The following MOK variants were observed in gnomAD, a reference collection of about 807,000 sequenced individuals.
The protein encoded by MOK is MOK protein kinase, also known as MAPK/MAK/MRK overlapping kinase.
MOK carries 59 observed loss-of-function variants against 54.2 expected under a neutral mutation model. The observed-to-expected ratio is 1.09, with a 90% CI of 0.88 to 1.35. The LOEUF (loss-of-function observed/expected upper bound fraction) is 1.35. Ranked by LOEUF, MOK falls within the 40% of genes most tolerant of loss-of-function variation. MOK has a pLI of 0.00. For missense variants in MOK, 517 were observed against 526.2 expected (o/e 0.98, Z 0.17); for synonymous variants, 210 against 202.7 (o/e 1.04, Z -0.31).
chr14:102,259,842 G>C (rs757719987), intron 4 of MOK, among the ~76,000 whole-genome samples: 3 of 151,816 alleles, frequency 2.0e-5, no homozygotes, highest in Non-Finnish European at 4.4e-5. Context: ...TCAAGAGATC[G>C]AGACCATCCT....
At position 102,265,283 on chromosome 14, in the gene MOK, C is replaced by T. The variant is rs1286222414; in HGVS notation, c.212+540G>A. ...TCCAGGAGATGAACTGTTTGCATGA[C>T]GGATGCTTTTATGATGTGGAGTCAC... On this transcript the variant is annotated intron_variant, in intron 3 of 11. Coordinates refer to ENST00000361847, the MANE Select transcript of MOK (RefSeq NM_014226.3). 3.9e-5 allele frequency among the ~76,000 whole-genome samples: 6 copies of T among 152,292 alleles called. No individual in the cohort carries two copies. In the East Asian group the frequency reaches 5.8e-4, roughly 15 times the overall value.
At chr14:102,241,663 A>G (rs1432801159) in intron 7 of MOK, among the ~76,000 whole-genome samples, 1 of 152,208 alleles carries the variant, frequency 6.6e-6, no homozygotes, top group Non-Finnish European at 1.5e-5. Context: ...GACATTAGAA[A>G]AAGCTCCAAA....
rs1338641534 is a variant in MOK, at chr14:102,261,409, AAAAAAAAAAATATATATATATATATATAT to A, written c.283+2108_283+2136del. On this transcript the variant is annotated intron_variant, in intron 4 of 11. Transcript: ENST00000361847. ...TCAAAAAAAAAAAAAAAAAAAAAAA[AAAAAAAAAAATATATATATATATATATAT>A]ATATATATATATATATATATTCTAA... is the stretch of plus-strand genomic sequence containing the variant. Among the ~76,000 whole-genome samples the A allele has an allele frequency of 1.6e-3, 130 of 79,632 alleles. 1 individual carries two copies. The highest frequency in any genetic ancestry group is 2.7e-3 in the Non-Finnish European group (115 of 42,364). The allele number at this position is 79,632 out of a possible 152,430, so 52.2% of individuals were successfully genotyped here.
At position 102,233,747 on chromosome 14, in the gene MOK, G is replaced by T. The variant is rs773121503; in HGVS notation, c.633C>A (p.Ile211=). ...LFPGVNELDQ[I]SKIHDVIGTP... ...TGCCGATGACATCGTGGATTTTTGA[G>T]ATTTGGTCCAGTTCATTTACTCCAG... is the stretch of plus-strand genomic sequence containing the variant. The change falls in exon 8 of 12, where the codon ATC becomes ATA. Residue 211 remains isoleucine, a synonymous_variant. Transcript: ENST00000361847. 4 of 1,614,146 alleles carry T rather than the reference G, an allele frequency of 2.5e-6. No homozygotes were observed. Among genetic ancestry groups the T allele is most frequent in the Non-Finnish European group, 3.4e-6 (4 of 1,179,986 alleles).
chr14:102,226,190 C>G, downstream of MOK: 1 of 609,720 alleles, frequency 1.6e-6, no homozygotes, highest in South Asian at 1.9e-5. The surrounding 1 kb of genome is among the most constrained non-coding windows in gnomAD (Gnocchi z 4.8). Context: ...GCAAGGCCTG[C>G]CCCCGCCAGT....
At chr14:102,295,273 A>G (rs61992538) in intron 1 of MOK, among the ~76,000 whole-genome samples, 22,008 of 152,232 alleles carry the variant, frequency 0.14, 2,181 homozygotes, top group South Asian at 0.3. Flanking sequence ...AAGGGAGAAC[A>G]AGGGAGATAA....
At chr14:102,220,296 T>C (rs964490122), downstream of MOK, among the ~76,000 whole-genome samples, 1 of 152,226 alleles carries the variant, frequency 6.6e-6, no homozygotes, top group African/African-American at 2.4e-5. The surrounding 1 kb of genome is among the most constrained non-coding windows in gnomAD (Gnocchi z 4.2). Context: ...CCACTAAGTA[T>C]GTAAATTGGG....
At chr14:102,268,174 C>T (rs568807175) in intron 2 of MOK, among the ~76,000 whole-genome samples, 1 of 152,246 alleles carries the variant, frequency 6.6e-6, no homozygotes, top group East Asian at 1.9e-4. Flanking sequence ...AGTTATCACA[C>T]CCCAAAACAT....
chr14:102,263,120 T>C (rs199697108), intron 4 of MOK, among the ~76,000 whole-genome samples: 1 of 152,238 alleles, frequency 6.6e-6, no homozygotes, highest in East Asian at 1.9e-4. Flanking sequence ...TGGTAGGAGC[T>C]TCCCTCACAT....
At chr14:102,292,579 C>A (rs2070883367) in intron 1 of MOK, among the ~76,000 whole-genome samples, 1 of 152,060 alleles carries the variant, frequency 6.6e-6, no homozygotes, top group South Asian at 2.1e-4. Context: ...CCAGGACCGG[C>A]CTGGGAAGCT....
intron 2 of MOK, among the ~76,000 whole-genome samples, chr14:102,274,837 T>G (rs777611732): frequency 1.2e-4 from 18 of 151,658 alleles, no homozygotes; most frequent in Non-Finnish European, 2.1e-4. Flanking sequence ...TAGCCAGGCA[T>G]GGTGGTGGGT....
chr14:102,271,971 T>C (rs1045234054), intron 2 of MOK, among the ~76,000 whole-genome samples: 2 of 152,172 alleles, frequency 1.3e-5, no homozygotes, highest in African/African-American at 4.8e-5. Flanking sequence ...CTTGACCTCC[T>C]GATCTTAAGC....
At chr14:102,299,792 C>T (rs879629193) in intron 1 of MOK, among the ~76,000 whole-genome samples, 3 of 152,116 alleles carry the variant, frequency 2.0e-5, no homozygotes, top group Non-Finnish European at 4.4e-5. Flanking sequence ...TCATGTTGCC[C>T]AGGCTGGTCT....
chr14:102,251,619 G>GA (rs111787428), intron 6 of MOK, 137 bp downstream of exon 6: 1 of 747,576 alleles, frequency 1.3e-6, no homozygotes. Flanking sequence ...ACCTGAGAGG[G>GA]AAAAAAATTA....
intron 2 of MOK, among the ~76,000 whole-genome samples, chr14:102,282,528 A>C (rs2069554078): frequency 6.6e-6 from 1 of 151,580 alleles, no homozygotes; most frequent in Non-Finnish European, 1.5e-5. Context: ...TGAGGTCAGG[A>C]GTTCAAGACC....
At chr14:102,225,304 T>A (rs1167930883), downstream of MOK, 1 of 154,626 alleles carries the variant, frequency 6.5e-6, no homozygotes, top group African/African-American at 2.4e-5. Flanking sequence ...CAAGCGATCC[T>A]CCTGCCTCAG....
intron 4 of MOK, among the ~76,000 whole-genome samples, chr14:102,262,323 T>C (rs2067548507): frequency 6.6e-6 from 1 of 152,148 alleles, no homozygotes; most frequent in Admixed American, 6.6e-5. Flanking sequence ...TTTTTTTGTG[T>C]GTATTTTTTA....
the MOK span, among the ~76,000 whole-genome samples, chr14:102,218,119 C>T: frequency 2.3e-4 from 35 of 152,332 alleles, no homozygotes; most frequent in Non-Finnish European, 3.8e-4. Context: ...AGGAGAGAAG[C>T]GCTAGTCTGC....
Position 102,231,790 on chromosome 14 carries a change from T to C in MOK, c.898A>G (p.Arg300Gly), listed in dbSNP as rs2064743894. Residue 300 changes from arginine (R) to glycine (G), a missense_variant, in exon 10 of 12, where the codon AGA becomes GGA. Physicochemically the swap from Arg to Gly is moderately radical, Grantham distance 125 (BLOSUM62 -2). Coordinates refer to ENST00000361847, the MANE Select transcript of MOK (RefSeq NM_014226.3). The surrounding 1 kb of genome is among the most constrained non-coding windows in gnomAD (Gnocchi z 4.4). The stretch of plus-strand genomic sequence containing the variant: ...GGGTGCTCCGGAAAGCCAGCTTTTC[T>C]GTGGCTGCCCAGAGCCCGCTTCTCT... ...KTEKRALGSH[R>G]KAGFPEHPVA... 1 of 1,612,666 alleles carries C rather than the reference T, an allele frequency of 6.2e-7. No individual in the cohort carries two copies. Among genetic ancestry groups the C allele is most frequent in the Admixed American group, 1.7e-5 (1 of 59,996 alleles).
Sources: allele counts gnomAD v4.1 joint callset (sites outside exome capture counted in the v4.1 genomes callset), GRCh38; gene constraint gnomAD v4.1.1; non-coding constraint Gnocchi (gnomAD v3.1); transcripts MANE v1.5; gene names NCBI Gene and HGNC (gene_info 2026-07-23, HGNC 2026-07-21).